HPS4: variants seen among roughly 807,000 people sequenced by gnomAD.
The protein encoded by HPS4 is HPS4 biogenesis of lysosomal organelles complex 3 subunit 2, also known as BLOC-3 complex member HPS4.
A neutral mutation model predicts 70.3 loss-of-function variants in HPS4; 44 were observed. That is an observed-to-expected ratio of 0.63 (90% CI 0.49 to 0.80). The LOEUF (loss-of-function observed/expected upper bound fraction) is 0.80, where lower values mean the gene tolerates loss of function less well. Among genes scored for constraint, HPS4 ranks in the 30% least tolerant of loss-of-function variants. The pLI is 0.00. For missense variants in HPS4, 873 were observed against 884.4 expected (o/e 0.99, Z 0.16); for synonymous variants, 377 against 355.9 (o/e 1.06, Z -0.67).
rs759034002 is a variant in HPS4, at chr22:26,472,340, T to C, written c.463A>G (p.Lys155Glu). ...QILKNTSDLH[K>E]IFNSLWNLDQ... ...AAGTTCCAGAGGGAATTGAAAATCT[T>C]ATGCAGATCACTGGTGTTTTTCAGA... Residue 155 changes from lysine to glutamate, a missense_variant, in exon 6 of 14, where the codon AAG becomes GAG. Coordinates refer to ENST00000398145, the MANE Select transcript of HPS4 (RefSeq NM_022081.6). The C allele has an allele frequency of 1.2e-6, 2 of 1,613,394 alleles. No individual in the cohort carries two copies. Among genetic ancestry groups the C allele is most frequent in the East Asian group, 2.2e-5 (1 of 44,884 alleles).
At chr22:26,476,924 T>C in intron 4 of HPS4, 69 bp downstream of exon 4, 2 of 1,556,068 alleles carry the variant, frequency 1.3e-6, no homozygotes, top group Non-Finnish European at 1.8e-6. Flanking sequence ...AATTCAAGAC[T>C]CAGAAACAAC....
At chr22:26,458,114 T>C in intron 12 of HPS4, 147 bp from the exon 13 acceptor site, 3 of 767,400 alleles carry the variant, frequency 3.9e-6, no homozygotes, top group East Asian at 2.7e-5. Context: ...CCCGGGGCAT[T>C]GGGCTTCGGC....
downstream of HPS4, chr22:26,443,506 T>G: frequency 3.9e-6 from 1 of 254,062 alleles, no homozygotes; most frequent in Middle Eastern, 1.3e-3. Flanking sequence ...AGAGACTTAG[T>G]GCCCTTGTAA....
chr22:26,443,325 CTCT>C, downstream of HPS4: 3 of 799,110 alleles, frequency 3.8e-6, no homozygotes, highest in South Asian at 4.9e-5. Context: ...CAGCGGAAAG[CTCT>C]TATTTGGGAT....
intron 7 of HPS4, among the ~76,000 whole-genome samples, chr22:26,468,940 A>C (rs1291822857): frequency 2.0e-5 from 3 of 152,246 alleles, no homozygotes; most frequent in Non-Finnish European, 4.4e-5. Context: ...ACACAGCCAG[A>C]ATCCCAAAAA....
At position 26,458,524 on chromosome 22, in the gene HPS4, C is replaced by T. The variant is rs541601069; in HGVS notation, c.1767G>A (p.Thr589=). The T allele has an allele frequency of 9.4e-5, 152 of 1,614,046 alleles. No individual in the cohort carries two copies. Among genetic ancestry groups the T allele is most frequent in the East Asian group, 6.7e-4 (30 of 44,870 alleles). The stretch of plus-strand genomic sequence containing the variant: ...TGGAGGCTGCCTCATCCCTGGGCAG[C>T]GTCTCTTTCAGGTGGACTTCCAGCC... ...LNGLEVHLKE[T]LPRDEAASTS... Residue 589 remains threonine (T), a synonymous_variant, in exon 12 of 14, where the codon ACG becomes ACA. Transcript: ENST00000398145.
intron 11 of HPS4, among the ~76,000 whole-genome samples, chr22:26,460,088 G>T (rs749846213): frequency 6.6e-6 from 1 of 152,196 alleles, no homozygotes; most frequent in Non-Finnish European, 1.5e-5. Context: ...CAATAGGTGT[G>T]ACATACAAAG....
At chr22:26,444,785 G>C (rs2084898820) in intron 3 of HPS4, 1 of 152,232 alleles carries the variant, frequency 6.6e-6, no homozygotes, top group Admixed American at 6.5e-5. Context: ...TGTCTACACA[G>C]ATATTTGTCA....
At chr22:26,447,807 C>T (rs113186114), downstream of HPS4, among the ~76,000 whole-genome samples, 1,096 of 152,186 alleles carry the variant, frequency 7.2e-3, 13 homozygotes, top group African/African-American at 0.024. Flanking sequence ...TTACTTTCCG[C>T]CTCTTTCCCA....
chr22:26,459,881 G>A (rs1038633107), intron 11 of HPS4, among the ~76,000 whole-genome samples: 4 of 152,190 alleles, frequency 2.6e-5, no homozygotes, highest in African/African-American at 9.7e-5. Context: ...AAGAAATGGT[G>A]TCTCTTTAGA....
rs2089186457 is a variant in HPS4, at chr22:26,468,625, TAGG to T, written c.597-5_597-3del. On this transcript the variant is annotated splice_polypyrimidine_tract_variant and splice_region_variant and intron_variant, in intron 7 of 13. Coordinates refer to ENST00000398145, the MANE Select transcript of HPS4 (RefSeq NM_022081.6). ...GGCGGGAGTTGGGTGCTGACAATCC[TAGG>T]AGGTCACACACAGAACAAGAACACC... 1.9e-6 allele frequency: 3 copies of T among 1,613,548 alleles called. No homozygotes were observed. The highest frequency in any genetic ancestry group is 2.5e-6 in the Non-Finnish European group (3 of 1,179,644).
At chr22:26,478,762 G>A (rs2090937736) in intron 3 of HPS4, among the ~76,000 whole-genome samples, 1 of 43,814 alleles carries the variant, frequency 2.3e-5, no homozygotes, top group South Asian at 1.2e-3. Context: ...TCTGCTCACT[G>A]CAACTCTGCC....
rs1297014192 is a variant in HPS4 at position 26,470,744 on chromosome 22, C to A, written c.571G>T (p.Ala191Ser). Residue 191 changes from alanine to serine, a missense_variant, in exon 7 of 14, where the codon GCT becomes TCT. By Grantham distance (99) the Ala-to-Ser change is moderately conservative. Transcript: ENST00000398145. ...AGTCCTTTATAGAGGATGCAGCCAG[C>A]GAGAATGTGAGGCGAGCGCTGGCAG... ...QTCQRSPHIL[A>S]GCILYKGLIV... 2 of 1,614,082 alleles carry A rather than the reference C, an allele frequency of 1.2e-6. No individual in the cohort carries two copies. The highest frequency in any genetic ancestry group is 2.2e-5 in the East Asian group (1 of 44,880).
intron 13 of HPS4, among the ~76,000 whole-genome samples, chr22:26,456,105 G>A (rs1349851360): frequency 6.6e-6 from 1 of 152,184 alleles, no homozygotes; most frequent in Non-Finnish European, 1.5e-5. Flanking sequence ...AGAACACCTG[G>A]CGCTCAAGTG....
chr22:26,458,300 G>A, intron 12 of HPS4, 145 bp downstream of exon 12: 3 of 997,560 alleles, frequency 3.0e-6, no homozygotes, highest in South Asian at 2.7e-5. Flanking sequence ...GTGGGACTGG[G>A]CTCCCGGTGA....
chr22:26,483,191 G>T (rs2091470764), intron 1 of HPS4, among the ~76,000 whole-genome samples: 1 of 152,170 alleles, frequency 6.6e-6, no homozygotes, highest in African/African-American at 2.4e-5. Context: ...TGTGGAGGGG[G>T]TATCTCTGTT....
downstream of HPS4, among the ~76,000 whole-genome samples, chr22:26,448,171 G>C (rs150719005): frequency 1.3e-5 from 2 of 152,280 alleles, no homozygotes; most frequent in African/African-American, 4.8e-5. Flanking sequence ...ACACCCCTCC[G>C]GCCCCCAGGT....
rs2085565698 is a variant in HPS4, at chr22:26,453,608, G to A, written c.1956-204C>T. The A allele has an allele frequency of 3.7e-5, 23 of 628,968 alleles. 1 individual carries two copies. The South Asian group carries it at 4.1e-4, about 11-fold the overall frequency. The allele number at this position is 628,968 out of a possible 1,614,324, so 39.0% of individuals were successfully genotyped here. ...ATCTTTCCTTCCTTTCAGCTCACTA[G>A]ATGCTGGAAGAGTCCGTGGCGGGAC... On this transcript the variant is annotated intron_variant, in intron 13 of 13. Coordinates refer to ENST00000398145, the MANE Select transcript of HPS4 (RefSeq NM_022081.6).
intron 8 of HPS4, 148 bp from the exon 9 acceptor site, chr22:26,466,410 G>A (rs1376929147): frequency 1.7e-5 from 14 of 845,644 alleles, no homozygotes; most frequent in Non-Finnish European, 2.7e-5. Flanking sequence ...CAAGCAGATG[G>A]AACAGAAGCT....
Sources: gnomAD v4.1 joint callset for allele counts (sites outside exome capture counted in the v4.1 genomes callset) on GRCh38, gnomAD v4.1.1 for gene constraint, MANE v1.5 for transcripts, NCBI Gene and HGNC (gene_info 2026-07-23, HGNC 2026-07-21) for gene names.